Variants in USP36 observed in about 807,000 individuals in gnomAD.
The protein encoded by USP36 is ubiquitin specific peptidase 36, also known as ubiquitin carboxyl-terminal hydrolase 36.
USP36 carries 59 observed loss-of-function variants against 111.5 expected under a neutral mutation model. That is an observed-to-expected ratio of 0.53 (90% CI 0.43 to 0.66). The LOEUF is 0.66. USP36 is among the 30% of genes least tolerant of loss of function. USP36 has a pLI of 0.00. For synonymous variants in USP36, 628 were observed against 581.0 expected (o/e 1.08, Z -1.16); for missense variants, 1,488 against 1,468.0 (o/e 1.01, Z -0.22).
intron 15 of USP36, among the ~76,000 whole-genome samples, chr17:78,804,213 G>C (rs1216484828): frequency 6.6e-6 from 1 of 152,124 alleles, no homozygotes; most frequent in Non-Finnish European, 1.5e-5. Context: ...TATAATTCCA[G>C]CACTTTGGGA....
intron 6 of USP36, among the ~76,000 whole-genome samples, chr17:78,824,646 C>G (rs944091892): frequency 3.3e-5 from 5 of 152,184 alleles, no homozygotes; most frequent in African/African-American, 1.2e-4. Flanking sequence ...GAAATAAGCA[C>G]AGTAAATATG....
intron 10 of USP36, 29 bp from the exon 11 acceptor site, chr17:78,814,581 T>TG: frequency 6.2e-7 from 1 of 1,603,732 alleles, no homozygotes. Flanking sequence ...AAAAGACAAA[T>TG]AAAATTCACT....
chr17:78,795,009 G>GAAAA (rs78492260), downstream of USP36, among the ~76,000 whole-genome samples: 1 of 115,506 alleles, frequency 8.7e-6, no homozygotes, highest in Admixed American at 9.0e-5. The surrounding 1 kb of genome is among the most constrained non-coding windows in gnomAD (Gnocchi z 4.5). Context: ...CTCTGTTCGG[G>GAAAA]AAAAAAAAAA....
chr17:78,800,706 G>A (rs2144955570), intron 17 of USP36, among the ~76,000 whole-genome samples: 1 of 152,300 alleles, frequency 6.6e-6, no homozygotes, highest in Admixed American at 6.5e-5. Context: ...TGCCCATTTA[G>A]CCACTCTCCT....
intron 15 of USP36, 72 bp downstream of exon 15, chr17:78,806,084 C>T: frequency 6.2e-7 from 1 of 1,605,258 alleles, no homozygotes; most frequent in Non-Finnish European, 8.5e-7. Flanking sequence ...TCGTCCAACT[C>T]CTCACCAGCC....
At chr17:78,822,309 C>T (rs2094348781) in intron 6 of USP36, among the ~76,000 whole-genome samples, 1 of 152,236 alleles carries the variant, frequency 6.6e-6, no homozygotes, top group South Asian at 2.1e-4. Context: ...CGTGTATCCT[C>T]ACCCAGTGTT....
downstream of USP36, among the ~76,000 whole-genome samples, chr17:78,791,674 G>A (rs1484403381): frequency 1.3e-5 from 2 of 152,196 alleles, no homozygotes; most frequent in South Asian, 2.1e-4. Context: ...GAGGCCTCTA[G>A]GGGGCTGTGG....
At chr17:78,825,641 C>T (rs527277418) in intron 6 of USP36, among the ~76,000 whole-genome samples, 2 of 152,206 alleles carry the variant, frequency 1.3e-5, no homozygotes, top group Non-Finnish European at 2.9e-5. Flanking sequence ...AACCGTTATT[C>T]ATTCTACCTC....
chr17:78,832,008 C>T lies in USP36; in HGVS notation c.476-3001G>A, dbSNP rs1020480173. 3.5e-5 allele frequency among the ~76,000 whole-genome samples: 5 copies of T among 141,662 alleles called. No homozygotes were observed. The Admixed American group carries it at 3.5e-4, about 10-fold the overall frequency. The allele number at this position is 141,662 out of a possible 152,430, so 92.9% of individuals were successfully genotyped here. ...ATATCACTCTTAACAGGGTAAATAA[C>T]AATCTAAGCCAGGTTCTCCAGCAAT... is the stretch of plus-strand genomic sequence containing the variant. On this transcript the variant is annotated intron_variant, in intron 4 of 20. Transcript: ENST00000449938.
At position 78,798,183 on chromosome 17, in the gene USP36, ACCC is replaced by A. The variant is rs1053116461; in HGVS notation, c.*20+214_*20+216del. The stretch of plus-strand genomic sequence containing the variant: ...CCTTATACACACGCATCCCACACAC[ACCC>A]CCTTATACACACGCATCCCACACAC... On this transcript the variant is annotated intron_variant, in intron 20 of 20. Coordinates refer to ENST00000449938, the MANE Select transcript of USP36 (RefSeq NM_001385174.1). This position sits in a 1 kb window ranked among gnomAD's most constrained non-coding sequence, Gnocchi z 5.1. The A allele has an allele frequency of 1.2e-5, 7 of 580,282 alleles. No individual in the cohort carries two copies. The East Asian group carries it at 2.1e-4, about 17-fold the overall frequency. The allele number at this position is 580,282 out of a possible 1,614,324, so 35.9% of individuals were successfully genotyped here. A position where few individuals can be genotyped will look rare whatever the true frequency, so the allele number is the denominator to read the frequency against.
Position 78,798,218 on chromosome 17 carries a change from C to T in USP36, c.*20+182G>A. ...ACACACGCATCCCACACACACCCTTCTCCAAGTGACTAGGACACACACCAC... is the reference window on the plus strand; with the variant it reads ...ACACACGCATCCCACACACACCCTTTTCCAAGTGACTAGGACACACACCAC... On this transcript the variant is annotated intron_variant, in intron 20 of 20. Transcript: ENST00000449938. This position sits in a 1 kb window ranked among gnomAD's most constrained non-coding sequence, Gnocchi z 5.1. The T allele has an allele frequency of 4.1e-6, 3 of 731,490 alleles. No homozygotes were observed. Among genetic ancestry groups the T allele is most frequent in the Non-Finnish European group, 6.6e-6 (3 of 456,924 alleles). 45.3% of individuals were successfully genotyped at this position (731,490 alleles called of 1,614,324 possible). A position where few individuals can be genotyped will look rare whatever the true frequency, so the allele number is the denominator to read the frequency against.
intron 12 of USP36, 100 bp downstream of exon 12, chr17:78,813,673 T>C: frequency 9.7e-7 from 1 of 1,033,458 alleles, no homozygotes; most frequent in Non-Finnish European, 1.5e-6. Flanking sequence ...TCCAGTGGAA[T>C]TCCCAATTAC....
downstream of USP36, among the ~76,000 whole-genome samples, chr17:78,793,482 G>A (rs2093599548): frequency 6.6e-6 from 1 of 152,202 alleles, no homozygotes. Context: ...GATATGGAAG[G>A]AGCAGGGGGC....
chr17:78,832,644 T>C (rs577442137), intron 4 of USP36, among the ~76,000 whole-genome samples: 49 of 152,314 alleles, frequency 3.2e-4, no homozygotes, highest in African/African-American at 1.1e-3. Context: ...AGTTGGCAAC[T>C]GGCTCAAAAA....
chr17:78,826,900 GAAAA>G, intron 6 of USP36: 1 of 587,552 alleles, frequency 1.7e-6, no homozygotes, highest in East Asian at 2.8e-5. Flanking sequence ...TTAAGAGACT[GAAAA>G]AGTCCATGGT....
chr17:78,801,439 T>C (rs1007709742), intron 17 of USP36, among the ~76,000 whole-genome samples: 5 of 152,250 alleles, frequency 3.3e-5, no homozygotes, highest in Admixed American at 2.6e-4. Flanking sequence ...GACCCCCAGA[T>C]GCACTGCCAT....
chr17:78,815,838 T>TACAC (rs10582083), intron 10 of USP36, among the ~76,000 whole-genome samples: 1 of 137,550 alleles, frequency 7.3e-6, no homozygotes, highest in Non-Finnish European at 1.5e-5. Context: ...CATATATACA[T>TACAC]ACACACACAC....
Position 78,821,405 on chromosome 17 carries a change from TA to T in USP36, c.758-345del, listed in dbSNP as rs537089860. 3.5e-3 allele frequency: 209 copies of T among 59,590 alleles called. 2 individuals carry two copies. The highest frequency in any genetic ancestry group is 0.017 in the African/African-American group (196 of 11,308). The allele number at this position is 59,590 out of a possible 1,614,324, so 3.7% of individuals were successfully genotyped here. A position where few individuals can be genotyped will look rare whatever the true frequency, so the allele number is the denominator to read the frequency against. On this transcript the variant is annotated intron_variant, in intron 7 of 20. Coordinates refer to ENST00000449938, the MANE Select transcript of USP36 (RefSeq NM_001385174.1). ...TAATGAGAATATATATATATATATATATATATATATATATATTTTTTTTTTT... is the reference window on the plus strand; with the variant it reads ...TAATGAGAATATATATATATATATATTATATATATATATATTTTTTTTTTT...
intron 6 of USP36, 55 bp from the exon 7 acceptor site, chr17:78,822,059 A>G: frequency 6.2e-7 from 1 of 1,603,696 alleles, no homozygotes; most frequent in Non-Finnish European, 8.5e-7. Flanking sequence ...GACACGAGGG[A>G]TGGCCCCATC....
Sources: gnomAD v4.1 joint callset for allele counts (sites outside exome capture counted in the v4.1 genomes callset) on GRCh38, gnomAD v4.1.1 for gene constraint, Gnocchi (gnomAD v3.1) non-coding constraint, MANE v1.5 for transcripts, NCBI Gene and HGNC (gene_info 2026-07-23, HGNC 2026-07-21) for gene names.